The following NSD3 variants were observed in gnomAD, a reference collection of about 807,000 sequenced individuals.
NSD3 encodes nuclear receptor binding SET domain protein 3, also known as histone-lysine N-methyltransferase NSD3.
A neutral mutation model predicts 160.8 loss-of-function variants in NSD3; 24 were observed. The ratio of observed to expected loss-of-function variants is 0.15; its 90% CI spans 0.11 to 0.21. NSD3 has a LOEUF of 0.21. Ranked by LOEUF, NSD3 falls within the 10% of genes least tolerant of loss-of-function variation. The pLI is 1.00. For missense variants in NSD3, 1,157 were observed against 1,735.9 expected, an observed-to-expected ratio of 0.67 and a Z score of 5.93; for synonymous variants, 520 against 600.0, an observed-to-expected ratio of 0.87 and a Z score of 1.95.
intron 1 of NSD3, among the ~76,000 whole-genome samples, chr8:38,366,319 A>G (rs1174950134): frequency 1.3e-5 from 2 of 152,046 alleles, no homozygotes; most frequent in Non-Finnish European, 2.9e-5. Context: ...TAGCAAACAC[A>G]CTGGAAAAAT....
At position 38,281,600 on chromosome 8, in the gene NSD3, A is replaced by G. The variant is rs758843202; in HGVS notation, c.3502-17T>C. The G allele has an allele frequency of 1.9e-5, 30 of 1,539,546 alleles. No individual in the cohort carries two copies. Among genetic ancestry groups the G allele is most frequent in the Non-Finnish European group, 2.5e-5 (28 of 1,123,000 alleles). On this transcript the variant is annotated splice_polypyrimidine_tract_variant and intron_variant, in intron 19 of 23. Transcript: ENST00000317025. ...AAATTCACCCTGGAGATAAATGTGC[A>G]ATATGTAACTTAAAATCAGTGTATT...
chr8:38,281,622 T>C lies in NSD3; in HGVS notation c.3502-39A>G, dbSNP rs758081659. 3.5e-6 allele frequency: 5 copies of C among 1,420,428 alleles called. No individual in the cohort carries two copies. In the African/African-American group the frequency reaches 5.7e-5, roughly 16 times the overall value. The allele number at this position is 1,420,428 out of a possible 1,614,324, so 88.0% of individuals were successfully genotyped here. ...TGCAATATGTAACTTAAAATCAGTGTATTATATAAAGCATTGCTTAATGAC... is the reference window on the plus strand; with the variant it reads ...TGCAATATGTAACTTAAAATCAGTGCATTATATAAAGCATTGCTTAATGAC... On this transcript the variant is annotated intron_variant, in intron 19 of 23. Transcript: ENST00000317025.
Position 38,318,817 on chromosome 8 carries a change from A to G in NSD3, c.1855+78T>C. On this transcript the variant is annotated intron_variant, in intron 9 of 23. Coordinates refer to ENST00000317025, the MANE Select transcript of NSD3 (RefSeq NM_023034.2). This position sits in a 1 kb window ranked among gnomAD's most constrained non-coding sequence, Gnocchi z 5.3. ...ACAACGATTTACAGAGACAGACAAA[A>G]ATACATGAAGTACAAATAATTCTTA... 1.4e-6 allele frequency: 2 copies of G among 1,393,656 alleles called. No homozygotes were observed. The highest frequency in any genetic ancestry group is 2.0e-6 in the Non-Finnish European group (2 of 990,330). The allele number at this position is 1,393,656 out of a possible 1,614,324, so 86.3% of individuals were successfully genotyped here. A position where few individuals can be genotyped will look rare whatever the true frequency, so the allele number is the denominator to read the frequency against.
chr8:38,350,974 T>C (rs1352533212), intron 1 of NSD3, among the ~76,000 whole-genome samples: 2 of 83,478 alleles, frequency 2.4e-5, no homozygotes, highest in Non-Finnish European at 5.2e-5. Flanking sequence ...TAGAAAGTTC[T>C]TTTTTTTTTT....
At chr8:38,290,800 A>G (rs1308707016) in intron 16 of NSD3, 123 bp from the exon 17 acceptor site, 2 of 808,020 alleles carry the variant, frequency 2.5e-6, no homozygotes, top group Non-Finnish European at 3.9e-6. Context: ...TTCTAAGAAC[A>G]TAAAATACCA....
chr8:38,344,888 G>A (rs958883239), intron 2 of NSD3, among the ~76,000 whole-genome samples: 2 of 152,164 alleles, frequency 1.3e-5, no homozygotes, highest in African/African-American at 4.8e-5. Flanking sequence ...ACAACCAGTA[G>A]GCATAGGGTA....
intron 14 of NSD3, among the ~76,000 whole-genome samples, chr8:38,303,924 T>A (rs1809334397): frequency 6.6e-6 from 1 of 152,230 alleles, no homozygotes; most frequent in African/African-American, 2.4e-5. Flanking sequence ...AACATTCAAC[T>A]AAAGAAGTTT....
chr8:38,373,934 CAAAAAAA>C lies in NSD3; in HGVS notation c.-45+7858_-45+7864del, dbSNP rs61532119. On this transcript the variant is annotated intron_variant, in intron 1 of 23. Coordinates refer to ENST00000317025, the MANE Select transcript of NSD3 (RefSeq NM_023034.2). Reference sequence around the variant, plus strand: ...GCAACTTGGCAAAACTCTGTCTCTACAAAAAAAAAAAAAAAAAAAAAAAAAGCAAAAC... The same window carrying C: ...GCAACTTGGCAAAACTCTGTCTCTACAAAAAAAAAAAAAAAAAAGCAAAAC... 4.7e-3 allele frequency among the ~76,000 whole-genome samples: 118 copies of C among 25,140 alleles called. No individual in the cohort carries two copies. In the East Asian group the frequency reaches 0.1, roughly 21 times the overall value. 16.5% of individuals were successfully genotyped at this position (25,140 alleles called of 152,430 possible). A position where few individuals can be genotyped will look rare whatever the true frequency, so the allele number is the denominator to read the frequency against.
chr8:38,304,874 G>T (rs1809359333), intron 13 of NSD3, 117 bp from the exon 14 acceptor site: 2 of 1,122,300 alleles, frequency 1.8e-6, no homozygotes, highest in Non-Finnish European at 2.5e-6. Flanking sequence ...TAGATGGAAA[G>T]CATTTTTTTC....
intron 2 of NSD3, among the ~76,000 whole-genome samples, chr8:38,346,995 T>C (rs1810554208): frequency 6.6e-6 from 1 of 152,218 alleles, no homozygotes; most frequent in African/African-American, 2.4e-5. Context: ...CTATAAAGGA[T>C]GACTTTTATA....
At position 38,288,618 on chromosome 8, in the gene NSD3, G is replaced by T; in HGVS notation, c.3370C>A (p.His1124Asn). The change falls in exon 19 of 24, where the codon CAC becomes AAC. Residue 1124 changes from histidine (H) to asparagine (N), a missense_variant. By Grantham distance (68) the His-to-Asn change is moderately conservative. This residue lies in a region of NSD3 where 222 missense variants were observed against 409.9 expected (regional missense o/e 0.54). Transcript: ENST00000317025. The surrounding 1 kb of genome is among the most constrained non-coding windows in gnomAD (Gnocchi z 4.5). ...CLNRMLQYECHPQVCPAGDRC... is the reference protein window; with the variant it reads ...CLNRMLQYECNPQVCPAGDRC... The stretch of plus-strand genomic sequence containing the variant: ...TCTCCAGCTGGGCACACCTGCGGGT[G>T]GCATTCATACTGCAACATTCTGTTC... 6.2e-7 allele frequency: 1 copy of T among 1,614,176 alleles called. No homozygotes were observed. The highest frequency in any genetic ancestry group is 8.5e-7 in the Non-Finnish European group (1 of 1,180,032).
chr8:38,298,718 C>T (rs771691534), intron 15 of NSD3, among the ~76,000 whole-genome samples: 2 of 152,130 alleles, frequency 1.3e-5, no homozygotes, highest in Non-Finnish European at 2.9e-5. Context: ...ATTGTTAAAT[C>T]ATTTTTATAA....
chr8:38,310,092 C>T (rs1055892174), intron 12 of NSD3, among the ~76,000 whole-genome samples: 36 of 152,220 alleles, frequency 2.4e-4, no homozygotes, highest in Middle Eastern at 3.4e-3. Context: ...TTTAAGTGTA[C>T]GGTTCAGTAG....
chr8:38,329,508 G>A lies in NSD3; in HGVS notation c.1451C>T (p.Thr484Met), dbSNP rs147357661. The change falls in exon 6 of 24, where the codon ACG becomes ATG. Residue 484 changes from threonine (T) to methionine (M), a missense_variant. Coordinates refer to ENST00000317025, the MANE Select transcript of NSD3 (RefSeq NM_023034.2). This position sits in a 1 kb window ranked among gnomAD's most constrained non-coding sequence, Gnocchi z 4.8. ...CAAATCCAGGCTCCCTTTGTGCATC[G>A]TAATGGAAGCTGGTAAGGATTTCCT... ...AARKSLPASI[T>M]MHKGSLDLQK... 8.3e-5 allele frequency: 134 copies of A among 1,614,184 alleles called. No homozygotes were observed. Among genetic ancestry groups the A allele is most frequent in the East Asian group, 2.7e-4 (12 of 44,890 alleles).
At position 38,346,291 on chromosome 8, in the gene NSD3, GTATATAGTA is replaced by G. The variant is rs1242689199; in HGVS notation, c.675+1197_675+1205del. 3.4e-5 allele frequency among the ~76,000 whole-genome samples: 5 copies of G among 146,580 alleles called. No homozygotes were observed. The East Asian group carries it at 7.8e-4, about 23-fold the overall frequency. On this transcript the variant is annotated intron_variant, in intron 2 of 23. Coordinates refer to ENST00000317025, the MANE Select transcript of NSD3 (RefSeq NM_023034.2). Reference sequence around the variant, plus strand: ...AAGACTATGTATATATACATATATAGTATATAGTATATATAGTATATGTATATGTATATA... The same window carrying G: ...AAGACTATGTATATATACATATATAGTATATAGTATATGTATATGTATATA...
chr8:38,319,185 C>CG lies in NSD3; in HGVS notation c.1810-246_1810-245insC. Reference sequence around the variant, plus strand: ...CACATGCTCTCTAGCAAAGACTTTTCCCACCATTCCCTTGGTATATGAAGA... The same window carrying CG: ...CACATGCTCTCTAGCAAAGACTTTTCGCCACCATTCCCTTGGTATATGAAGA... On this transcript the variant is annotated intron_variant, in intron 8 of 23. Coordinates refer to ENST00000317025, the MANE Select transcript of NSD3 (RefSeq NM_023034.2). This position sits in a 1 kb window ranked among gnomAD's most constrained non-coding sequence, Gnocchi z 4.1. The CG allele has an allele frequency of 2.4e-6, 1 of 423,672 alleles. No individual in the cohort carries two copies. The highest frequency in any genetic ancestry group is 4.2e-6 in the Non-Finnish European group (1 of 238,098). The allele number at this position is 423,672 out of a possible 1,614,324, so 26.2% of individuals were successfully genotyped here.
At chr8:38,298,718 C>A (rs771691534) in intron 15 of NSD3, among the ~76,000 whole-genome samples, 24 of 152,130 alleles carry the variant, frequency 1.6e-4, no homozygotes, top group Non-Finnish European at 3.4e-4. Context: ...ATTGTTAAAT[C>A]ATTTTTATAA....
At chr8:38,314,855 C>T (rs1033970248) in intron 11 of NSD3, 82 bp from the exon 12 acceptor site, 31 of 1,455,892 alleles carry the variant, frequency 2.1e-5, no homozygotes, top group Admixed American at 2.0e-4. Context: ...CACAAATTAC[C>T]GGGTCCCTCA....
At chr8:38,378,610 C>G (rs548420581) in intron 1 of NSD3, among the ~76,000 whole-genome samples, 1 of 152,246 alleles carries the variant, frequency 6.6e-6, no homozygotes, top group African/African-American at 2.4e-5. Flanking sequence ...CCACTGCACT[C>G]CAGCCTGGGT....
Sources: gnomAD v4.1 joint callset for allele counts (sites outside exome capture counted in the v4.1 genomes callset) on GRCh38, gnomAD v4.1.1 for gene constraint, gnomAD v4.1.1 regional missense constraint, Gnocchi (gnomAD v3.1) non-coding constraint, MANE v1.5 for transcripts, NCBI Gene and HGNC (gene_info 2026-07-23, HGNC 2026-07-21) for gene names.